The following STN1 variants were observed in gnomAD, a reference collection of about 807,000 sequenced individuals.
STN1 encodes STN1 subunit of CST complex, also known as CST complex subunit STN1.
In STN1, 29 loss-of-function variants were observed where a neutral mutation model predicts 45.5. The observed-to-expected ratio is 0.64, with a 90% CI of 0.47 to 0.87. The LOEUF (loss-of-function observed/expected upper bound fraction) is 0.87, where lower values mean the gene tolerates loss of function less well. STN1 is among the 40% of genes least tolerant of loss of function. The pLI is 0.00. For missense variants in STN1, 376 were observed against 441.4 expected, an observed-to-expected ratio of 0.85 and a Z score of 1.33; for synonymous variants, 148 against 159.0, an observed-to-expected ratio of 0.93 and a Z score of 0.52.
chr10:103,898,621 C>T (rs1431541104), intron 6 of STN1, among the ~76,000 whole-genome samples: 1 of 152,180 alleles, frequency 6.6e-6, no homozygotes, highest in African/African-American at 2.4e-5. Flanking sequence ...CTGCTCCTGC[C>T]TCCACTCCTC....
Position 103,879,505 on chromosome 10 carries a change from A to G in STN1, c.*3179T>C, listed in dbSNP as rs574822878. 1 of 152,798 alleles carries G rather than the reference A, an allele frequency of 6.5e-6. No individual in the cohort carries two copies. Among genetic ancestry groups the G allele is most frequent in the African/African-American group, 2.4e-5 (1 of 41,580 alleles). The allele number at this position is 152,798 out of a possible 1,614,324, so 9.5% of individuals were successfully genotyped here. ...AAGAGGGCAGAGGGAGGCACTTCAC[A>G]TGGTTACCTGGGAAGAGGAAATAGC... On this transcript the variant is annotated 3_prime_UTR_variant, in exon 10 of 10. Transcript: ENST00000224950.
chr10:103,909,478 G>GTATATATGTATATATGTATATATGTA (rs1843272290), intron 3 of STN1, among the ~76,000 whole-genome samples: 1 of 95,136 alleles, frequency 1.1e-5, no homozygotes, highest in African/African-American at 4.6e-5. Flanking sequence ...ATGTATATAT[G>GTATATATGTATATATGTATATATGTA]TATATATATG....
At position 103,917,445 on chromosome 10, in the gene STN1, G is replaced by A. The variant is rs1564636715; in HGVS notation, c.133+17C>T. On this transcript the variant is annotated intron_variant, in intron 2 of 9. Coordinates refer to ENST00000224950, the MANE Select transcript of STN1 (RefSeq NM_024928.5). ...GCAGATGCAGCCCAGGGCATCCCAG[G>A]GTGGCTAGCCACATACCTGGCACCT... is the stretch of plus-strand genomic sequence containing the variant. 2 of 1,610,502 alleles carry A rather than the reference G, an allele frequency of 1.2e-6. No homozygotes were observed. Among genetic ancestry groups the A allele is most frequent in the Non-Finnish European group, 1.7e-6 (2 of 1,178,154 alleles).
chr10:103,889,112 C>T lies in STN1; in HGVS notation c.909G>A (p.Lys303=). Residue 303 remains lysine, a synonymous_variant, in exon 9 of 10, where the codon AAG becomes AAA. Coordinates refer to ENST00000224950, the MANE Select transcript of STN1 (RefSeq NM_024928.5). ...VTREDKDLHR[K]IHRIIQQDCQ... The stretch of plus-strand genomic sequence containing the variant: ...AGTCCTGCTGAATGATCCGGTGGAT[C>T]TTTCTGTGCAGGTCTTTGTCTTCTC... 6.2e-7 allele frequency: 1 copy of T among 1,613,758 alleles called. No homozygotes were observed. The highest frequency in any genetic ancestry group is 1.1e-5 in the South Asian group (1 of 91,064).
intron 4 of STN1, among the ~76,000 whole-genome samples, chr10:103,903,624 C>G (rs186837456): frequency 2.5e-4 from 38 of 152,308 alleles, no homozygotes; most frequent in African/African-American, 8.7e-4. Context: ...ATGAAGCATT[C>G]AAGGTGCCAT....
rs1264013304 is a variant in STN1 at position 103,914,374 on chromosome 10, A to ATTTTT, written c.133+3083_133+3087dup. On this transcript the variant is annotated intron_variant, in intron 2 of 9. Coordinates refer to ENST00000224950, the MANE Select transcript of STN1 (RefSeq NM_024928.5). ...TATATATATATATATATATATATAT[A>ATTTTT]TTTTTTTTTTTTTTTTTTGAGACAG... 8.7e-4 allele frequency among the ~76,000 whole-genome samples: 85 copies of ATTTTT among 97,358 alleles called. 5 individuals are homozygous for ATTTTT. Among genetic ancestry groups the ATTTTT allele is most frequent in the African/African-American group, 3.9e-3 (80 of 20,428 alleles). 63.9% of individuals were successfully genotyped at this position (97,358 alleles called of 152,430 possible).
At chr10:103,905,732 A>G (rs111942245) in intron 3 of STN1, among the ~76,000 whole-genome samples, 33 of 152,360 alleles carry the variant, frequency 2.2e-4, no homozygotes, top group Middle Eastern at 3.4e-3. Context: ...GCTGTAAGGA[A>G]AGCCAAGCAC....
chr10:103,888,840 G>C (rs1843119839), intron 9 of STN1, among the ~76,000 whole-genome samples: 1 of 152,194 alleles, frequency 6.6e-6, no homozygotes, highest in African/African-American at 2.4e-5. Context: ...TGAATGTTCA[G>C]AGGGCTCCAA....
intron 5 of STN1, among the ~76,000 whole-genome samples, chr10:103,899,531 C>T (rs182678256): frequency 6.6e-6 from 1 of 152,088 alleles, no homozygotes; most frequent in East Asian, 1.9e-4. Context: ...CCCATCTCTA[C>T]AAAAAATTAG....
chr10:103,905,287 A>T (rs1333097029), intron 3 of STN1, 131 bp from the exon 4 acceptor site: 4 of 786,086 alleles, frequency 5.1e-6, no homozygotes, highest in Non-Finnish European at 8.8e-6. Context: ...CCCTTATCAA[A>T]CTCTCCTTCC....
rs1843057238 is a variant in STN1, at chr10:103,879,941, C to T, written c.*2743G>A. On this transcript the variant is annotated 3_prime_UTR_variant, in exon 10 of 10. Transcript: ENST00000224950. ...AGGGACATTTTCCAAAGGAGTGGCA[C>T]AGGATTTTTTTCTCGGTCACTTTGC... Among the ~76,000 whole-genome samples the T allele has an allele frequency of 1.3e-5, 2 of 152,202 alleles. No homozygotes were observed. The highest frequency in any genetic ancestry group is 2.4e-5 in the African/African-American group (1 of 41,458).
chr10:103,915,110 A>T (rs1356241149), intron 2 of STN1, among the ~76,000 whole-genome samples: 1 of 152,224 alleles, frequency 6.6e-6, no homozygotes, highest in African/African-American at 2.4e-5. Flanking sequence ...AGGGTCTGGG[A>T]GGGCACAAAC....
At position 103,898,984 on chromosome 10, in the gene STN1, T is replaced by G; in HGVS notation, c.474A>C (p.Pro158=). 1 of 1,614,156 alleles carries G rather than the reference T, an allele frequency of 6.2e-7. No individual in the cohort carries two copies. Among genetic ancestry groups the G allele is most frequent in the Non-Finnish European group, 8.5e-7 (1 of 1,180,008 alleles). ...HATTYYKVDD[P]VWNIQIARML... Reference sequence around the variant, plus strand: ...TCCTTGCAATTTGAATGTTCCACACTGGGTCGTCCACTTTATCTAACAAGT... The same window carrying G: ...TCCTTGCAATTTGAATGTTCCACACGGGGTCGTCCACTTTATCTAACAAGT... The change falls in exon 6 of 10, where the codon CCA becomes CCC. Residue 158 remains proline, a synonymous_variant. Transcript: ENST00000224950.
chr10:103,894,477 T>A (rs1482234450), intron 7 of STN1, among the ~76,000 whole-genome samples: 1 of 152,112 alleles, frequency 6.6e-6, no homozygotes, highest in Non-Finnish European at 1.5e-5. Context: ...ATATAAACAA[T>A]ACTTGAAGCT....
At chr10:103,911,047 G>A (rs1589503359) in intron 2 of STN1, among the ~76,000 whole-genome samples, 1 of 143,434 alleles carries the variant, frequency 7.0e-6, no homozygotes. Flanking sequence ...GCTTTTCTAA[G>A]AAACCAGTCA....
intron 7 of STN1, 43 bp from the exon 8 acceptor site, chr10:103,892,295 A>G (rs1843144912): frequency 6.5e-7 from 1 of 1,541,782 alleles, no homozygotes; most frequent in Admixed American, 2.2e-5. Context: ...AATAAGTCTC[A>G]CCTTACGGCA....
rs200543363 is a variant in STN1 at position 103,889,157 on chromosome 10, A to C, written c.877-13T>G. On this transcript the variant is annotated splice_polypyrimidine_tract_variant and intron_variant, in intron 8 of 9. Transcript: ENST00000224950. ...CTTCTCTGGTTACCTAAATAGGAAA[A>C]ATAGTTGAGAGAGAGAGTGTTCTTA... 45 of 1,580,172 alleles carry C rather than the reference A, an allele frequency of 2.8e-5. No homozygotes were observed. In the African/African-American group the frequency reaches 5.0e-4, roughly 17 times the overall value.
At chr10:103,896,267 C>T (rs1001110919) in intron 7 of STN1, among the ~76,000 whole-genome samples, 2 of 152,156 alleles carry the variant, frequency 1.3e-5, no homozygotes, top group African/African-American at 4.8e-5. Flanking sequence ...CAGACAAGTC[C>T]TCTGCTCTCA....
At position 103,892,267 on chromosome 10, in the gene STN1, A is replaced by G; in HGVS notation, c.754-15T>C. The G allele has an allele frequency of 6.3e-7, 1 of 1,578,068 alleles. No homozygotes were observed. The highest frequency in any genetic ancestry group is 8.5e-7 in the Non-Finnish European group (1 of 1,170,274). Reference sequence around the variant, plus strand: ...TTAAAATTCACCTGTAAAGAGAGGAAAAAGAAAAAAGAAAAGAAATAAGTC... The same window carrying G: ...TTAAAATTCACCTGTAAAGAGAGGAGAAAGAAAAAAGAAAAGAAATAAGTC... On this transcript the variant is annotated splice_polypyrimidine_tract_variant and intron_variant, in intron 7 of 9. Coordinates refer to ENST00000224950, the MANE Select transcript of STN1 (RefSeq NM_024928.5).
Sources: allele counts gnomAD v4.1 joint callset (sites outside exome capture counted in the v4.1 genomes callset), GRCh38; gene constraint gnomAD v4.1.1; transcripts MANE v1.5; gene names NCBI Gene and HGNC (gene_info 2026-07-23, HGNC 2026-07-21).